EFCAB5: variants seen among roughly 807,000 people sequenced by gnomAD.
EFCAB5 encodes the protein EF-hand calcium binding domain 5.
EFCAB5 carries 131 observed loss-of-function variants against 167.9 expected under a neutral mutation model. The ratio of observed to expected loss-of-function variants is 0.78; its 90% CI spans 0.68 to 0.90. The LOEUF (loss-of-function observed/expected upper bound fraction) is 0.90, where lower values mean the gene tolerates loss of function less well. Ranked by LOEUF, EFCAB5 falls within the 40% of genes least tolerant of loss-of-function variation. EFCAB5 has a pLI of 0.00. For synonymous variants in EFCAB5, 574 were observed against 602.8 expected (o/e 0.95, Z 0.70); for missense variants, 1,663 against 1,745.2 (o/e 0.95, Z 0.84).
At chr17:29,970,534 A>G (rs1158369631) in intron 4 of EFCAB5, among the ~76,000 whole-genome samples, 1 of 151,880 alleles carries the variant, frequency 6.6e-6, no homozygotes, top group Non-Finnish European at 1.5e-5. Context: ...GATTACATCT[A>G]TTAATACTCT....
In EFCAB5 at chr17:30,034,338, C is replaced by A. The variant is rs756590648; in HGVS notation, c.1153C>A (p.Arg385=). ...TCGGGAGGTCATAAAAGCTGACATG[C>A]GGAGGCAGATGTTCGCTGAACTCTT... ...EFREVIKADM[R]RQMFAELFLH... is the part of the protein sequence containing the mutation. Residue 385 remains arginine, a synonymous_variant, in exon 8 of 23, where the codon CGG becomes AGG. Transcript: ENST00000394835. 4.3e-6 allele frequency: 7 copies of A among 1,612,332 alleles called. No individual in the cohort carries two copies. The South Asian group carries it at 4.4e-5, about 10-fold the overall frequency.
intron 1 of EFCAB5, among the ~76,000 whole-genome samples, chr17:29,932,689 C>G (rs960454801): frequency 3.9e-5 from 6 of 151,936 alleles, no homozygotes; most frequent in African/African-American, 1.5e-4. Context: ...AACTCCTGAC[C>G]CCAGATGATC....
In EFCAB5 at chr17:30,002,863, AT is replaced by A. The variant is rs1358482816; in HGVS notation, c.1044+2891del. On this transcript the variant is annotated intron_variant, in intron 7 of 22. Transcript: ENST00000394835. ...AGAATTCTTGATTGAAAATTCTTCT[AT>A]TTTAGCCCTTGAAAATGTTCTCTCA... is the stretch of plus-strand genomic sequence containing the variant. 2.6e-5 allele frequency among the ~76,000 whole-genome samples: 4 copies of A among 152,232 alleles called. No homozygotes were observed. In the East Asian group the frequency reaches 7.7e-4, roughly 29 times the overall value.
chr17:30,052,081 A>G (rs1291627358), intron 9 of EFCAB5, among the ~76,000 whole-genome samples: 2 of 152,054 alleles, frequency 1.3e-5, no homozygotes, highest in African/African-American at 4.8e-5. Flanking sequence ...CCTCCAGAGT[A>G]GCCAGGACTA....
In EFCAB5 at chr17:29,930,204, C is replaced by A. The variant is rs998658148; in HGVS notation, c.-127+875C>A. 1.2e-4 allele frequency: 69 copies of A among 556,786 alleles called. No homozygotes were observed. In the Middle Eastern group the frequency reaches 3.9e-3, roughly 32 times the overall value. The allele number at this position is 556,786 out of a possible 1,614,324, so 34.5% of individuals were successfully genotyped here. ...ACGCTCCGAACGGGCGGCGGGCGGGCGGTTCCGCAGCTGCGGGGCACAATG... is the reference window on the plus strand; with the variant it reads ...ACGCTCCGAACGGGCGGCGGGCGGGAGGTTCCGCAGCTGCGGGGCACAATG... On this transcript the variant is annotated intron_variant, in intron 1 of 3. Transcript: ENST00000448319.
intron 1 of EFCAB5, chr17:29,930,036 T>C: frequency 6.4e-7 from 1 of 1,560,998 alleles, no homozygotes; most frequent in Non-Finnish European, 8.7e-7. Flanking sequence ...CAGGGCATTC[T>C]TGTCCTGAGT....
At chr17:29,941,976 A>G (rs2067304588) in intron 1 of EFCAB5, 138 bp downstream of exon 1, 1 of 1,033,736 alleles carries the variant, frequency 9.7e-7, no homozygotes, top group Non-Finnish European at 1.4e-6. Context: ...TCAGGTTTTG[A>G]CAGAAATGCT....
At chr17:30,031,319 A>C (rs1280626737) in intron 7 of EFCAB5, among the ~76,000 whole-genome samples, 2 of 152,200 alleles carry the variant, frequency 1.3e-5, no homozygotes, top group Non-Finnish European at 2.9e-5. Flanking sequence ...GGTGGGGCCT[A>C]AAAATTTGCA....
At chr17:30,026,517 G>T (rs1203750064) in intron 7 of EFCAB5, among the ~76,000 whole-genome samples, 4 of 152,070 alleles carry the variant, frequency 2.6e-5, no homozygotes, top group Non-Finnish European at 4.4e-5. Context: ...CACTATAAAA[G>T]TATATTTGTT....
At chr17:29,968,508 G>T (rs1200634462) in intron 3 of EFCAB5, 1 of 351,566 alleles carries the variant, frequency 2.8e-6, no homozygotes. Context: ...TCTAATAGTC[G>T]TCATGTGATC....
intron 8 of EFCAB5, among the ~76,000 whole-genome samples, chr17:30,049,822 T>C (rs946672235): frequency 6.6e-6 from 1 of 152,208 alleles, no homozygotes; most frequent in East Asian, 1.9e-4. Context: ...ACTAATAAAG[T>C]TGAAATGCAT....
At chr17:30,060,651 T>G (rs1200504024) in intron 14 of EFCAB5, among the ~76,000 whole-genome samples, 1 of 152,306 alleles carries the variant, frequency 6.6e-6, no homozygotes. Context: ...TTCCTAAGTT[T>G]ATTGATTGTC....
At chr17:29,943,475 A>G in intron 2 of EFCAB5, 90 bp from the exon 3 acceptor site, 3 of 1,149,726 alleles carry the variant, frequency 2.6e-6, no homozygotes, top group Non-Finnish European at 3.7e-6. Context: ...CTTACAAAGC[A>G]ATTAACTTTC....
chr17:30,043,440 C>G (rs896380924), intron 8 of EFCAB5, among the ~76,000 whole-genome samples: 15 of 151,922 alleles, frequency 9.9e-5, no homozygotes, highest in Non-Finnish European at 1.5e-4. Flanking sequence ...TCTGTATTCA[C>G]AGACTACATG....
chr17:30,096,261 T>A (rs1169916299), intron 22 of EFCAB5, among the ~76,000 whole-genome samples: 2 of 152,234 alleles, frequency 1.3e-5, no homozygotes, highest in Non-Finnish European at 2.9e-5. Context: ...TCTTATCACT[T>A]CTTGTGATTT....
At chr17:29,991,534 C>G (rs949411948) in intron 4 of EFCAB5, among the ~76,000 whole-genome samples, 1 of 152,222 alleles carries the variant, frequency 6.6e-6, no homozygotes, top group Non-Finnish European at 1.5e-5. Flanking sequence ...AGGAACATGT[C>G]CTTAAGGCAC....
At chr17:30,066,709 A>C (rs2070581618) in intron 14 of EFCAB5, among the ~76,000 whole-genome samples, 1 of 152,136 alleles carries the variant, frequency 6.6e-6, no homozygotes, top group Non-Finnish European at 1.5e-5. Flanking sequence ...AAAAATAACC[A>C]AAAAATCAAC....
At chr17:30,077,359 G>A (rs1372870911) in intron 14 of EFCAB5, among the ~76,000 whole-genome samples, 1 of 152,066 alleles carries the variant, frequency 6.6e-6, no homozygotes, top group Non-Finnish European at 1.5e-5. Flanking sequence ...GTTTAGAAGT[G>A]TGTGTGCATA....
intron 14 of EFCAB5, among the ~76,000 whole-genome samples, chr17:30,061,991 C>T (rs899855164): frequency 8.5e-5 from 13 of 152,154 alleles, no homozygotes; most frequent in Non-Finnish European, 8.8e-5. Context: ...GCCATTTTTT[C>T]CCCATTACTT....
Sources: gnomAD v4.1 joint callset for allele counts (sites outside exome capture counted in the v4.1 genomes callset) on GRCh38, gnomAD v4.1.1 for gene constraint, MANE v1.5 for transcripts, NCBI Gene and HGNC (gene_info 2026-07-23, HGNC 2026-07-21) for gene names.